The following PRIM2 variants were observed in gnomAD, a reference collection of about 807,000 sequenced individuals.
The protein encoded by PRIM2 is DNA primase large subunit.
In PRIM2, 39 loss-of-function variants were observed where a neutral mutation model predicts 67.3. That is an observed-to-expected ratio of 0.58 (90% CI 0.45 to 0.76). The LOEUF (loss-of-function observed/expected upper bound fraction) is 0.76, where lower values mean the gene tolerates loss of function less well. Among genes scored for constraint, PRIM2 ranks in the 30% least tolerant of loss-of-function variants. The probability of loss-of-function intolerance (pLI) is 0.00; values close to 1 mark genes in which losing one functional copy is unlikely to be tolerated. For synonymous variants in PRIM2, 143 were observed against 198.7 expected (o/e 0.72, Z 2.36); for missense variants, 398 against 598.7 (o/e 0.66, Z 3.50).
chr6:57,576,756 G>A (rs1196165362), intron 10 of PRIM2, among the ~76,000 whole-genome samples: 3 of 148,580 alleles, frequency 2.0e-5, no homozygotes, highest in African/African-American at 7.6e-5. Context: ...TTTATGTGGT[G>A]TTTATGTAGG....
chr6:57,417,052 C>T (rs529230005), intron 7 of PRIM2, among the ~76,000 whole-genome samples: 2 of 151,808 alleles, frequency 1.3e-5, no homozygotes, highest in East Asian at 3.9e-4. Context: ...TTGCAGTCTC[C>T]GCCTCCTGGG....
intron 5 of PRIM2, among the ~76,000 whole-genome samples, chr6:57,340,120 G>A (rs1441711956): frequency 6.6e-6 from 1 of 152,106 alleles, no homozygotes; most frequent in African/African-American, 2.4e-5. Context: ...CATGATCACT[G>A]GCCATCAGAG....
chr6:57,360,503 G>A (rs9367730), intron 5 of PRIM2, among the ~76,000 whole-genome samples: 13 of 152,030 alleles, frequency 8.6e-5, no homozygotes, highest in African/African-American at 2.2e-4. Context: ...ATACAATTTC[G>A]TAAGTCCAGG....
intron 10 of PRIM2, among the ~76,000 whole-genome samples, chr6:57,596,770 A>C (rs1344087442): frequency 6.6e-6 from 1 of 150,994 alleles, no homozygotes; most frequent in East Asian, 1.9e-4. Context: ...AATAAAATTT[A>C]TTACTTTTAT....
intron 5 of PRIM2, among the ~76,000 whole-genome samples, chr6:57,336,875 T>C (rs1315035285): frequency 1.3e-5 from 2 of 152,136 alleles, no homozygotes; most frequent in Non-Finnish European, 2.9e-5. Flanking sequence ...ACTTTAAATG[T>C]AAATGGACTA....
the PRIM2 span, among the ~76,000 whole-genome samples, chr6:57,265,765 A>G: frequency 7.2e-5 from 11 of 152,270 alleles, no homozygotes; most frequent in East Asian, 9.6e-4. Flanking sequence ...AGGATTTTCA[A>G]TTTGCTCATT....
At chr6:57,572,643 T>G (rs1775883291) in intron 10 of PRIM2, among the ~76,000 whole-genome samples, 2 of 152,172 alleles carry the variant, frequency 1.3e-5, no homozygotes, top group African/African-American at 4.8e-5. Flanking sequence ...TCAAGCACAG[T>G]GGGCATAAGG....
At position 57,513,434 on chromosome 6, in the gene PRIM2, G is replaced by A. The variant is rs1162539404; in HGVS notation, c.761+5980G>A. 1.1e-4 allele frequency among the ~76,000 whole-genome samples: 16 copies of A among 150,582 alleles called. No individual in the cohort carries two copies. In the South Asian group the frequency reaches 3.4e-3, roughly 32 times the overall value. ...AAGTATAAATAGGTACAACTAGAGA[G>A]GAAAACTTGCAGCCCATATTATACA... is the stretch of plus-strand genomic sequence containing the variant. On this transcript the variant is annotated intron_variant, in intron 8 of 13. Coordinates refer to ENST00000615550, the MANE Select transcript of PRIM2 (RefSeq NM_000947.5).
chr6:57,288,839 A>T, the PRIM2 span, among the ~76,000 whole-genome samples: 1 of 152,240 alleles, frequency 6.6e-6, no homozygotes, highest in Non-Finnish European at 1.5e-5. Context: ...AACAACAAAG[A>T]TGGGGAGAAA....
At chr6:57,311,135 C>T (rs1341206882), upstream of PRIM2, among the ~76,000 whole-genome samples, 75 of 146,376 alleles carry the variant, frequency 5.1e-4, no homozygotes, top group African/African-American at 1.8e-3. Context: ...CCAGACGGGG[C>T]GGCCGTGCAG....
At chr6:57,225,737 G>GA in the PRIM2 span, among the ~76,000 whole-genome samples, 1 of 152,090 alleles carries the variant, frequency 6.6e-6, no homozygotes, top group African/African-American at 2.4e-5. Flanking sequence ...AAGAAAAACA[G>GA]AAAAATCAGA....
chr6:57,643,519 C>G (rs1306471173), intron 13 of PRIM2, among the ~76,000 whole-genome samples: 1 of 152,154 alleles, frequency 6.6e-6, no homozygotes, highest in Non-Finnish European at 1.5e-5. Context: ...CAAGGTCTTT[C>G]TAATCTCTGA....
chr6:57,337,171 A>G (rs1768283187), intron 5 of PRIM2, among the ~76,000 whole-genome samples: 1 of 152,202 alleles, frequency 6.6e-6, no homozygotes, highest in Admixed American at 6.5e-5. Flanking sequence ...TATCCTAAAT[A>G]TATATGCACC....
intron 5 of PRIM2, among the ~76,000 whole-genome samples, chr6:57,367,557 T>G (rs1385555612): frequency 6.6e-6 from 1 of 152,212 alleles, no homozygotes; most frequent in Non-Finnish European, 1.5e-5. Context: ...GTACCCATCT[T>G]ATTATATCTC....
intron 10 of PRIM2, among the ~76,000 whole-genome samples, chr6:57,553,355 T>C: frequency 6.6e-6 from 1 of 152,138 alleles, no homozygotes; most frequent in East Asian, 1.9e-4. Flanking sequence ...AATAATGCTT[T>C]TATTTCTACC....
upstream of PRIM2, among the ~76,000 whole-genome samples, chr6:57,316,448 T>C (rs1767486188): frequency 6.6e-6 from 1 of 152,198 alleles, no homozygotes; most frequent in East Asian, 1.9e-4. Flanking sequence ...TAACCTATCT[T>C]ATGTGGTTAT....
At chr6:57,573,287 A>G (rs1239279854) in intron 10 of PRIM2, among the ~76,000 whole-genome samples, 2 of 152,232 alleles carry the variant, frequency 1.3e-5, no homozygotes, top group African/African-American at 4.8e-5. Context: ...TATGCTATAT[A>G]GGACATCAGA....
intron 13 of PRIM2, among the ~76,000 whole-genome samples, chr6:57,642,078 G>T (rs2127502060): frequency 6.6e-6 from 1 of 152,214 alleles, no homozygotes; most frequent in East Asian, 1.9e-4. Flanking sequence ...CATGTCCTTT[G>T]CAGGGACATG....
At chr6:57,611,604 C>T (rs1434988255) in intron 12 of PRIM2, among the ~76,000 whole-genome samples, 1 of 151,994 alleles carries the variant, frequency 6.6e-6, no homozygotes, top group Non-Finnish European at 1.5e-5. Context: ...TGCAAAAATC[C>T]TAGACATATA....
Sources: gnomAD v4.1 joint callset for allele counts (sites outside exome capture counted in the v4.1 genomes callset) on GRCh38, gnomAD v4.1.1 for gene constraint, MANE v1.5 for transcripts, NCBI Gene and HGNC (gene_info 2026-07-23, HGNC 2026-07-21) for gene names.